The following MRC1 variants were observed in gnomAD, a reference collection of about 807,000 sequenced individuals.
MRC1 encodes macrophage mannose receptor 1.
Under a neutral mutation model 102.9 loss-of-function variants are expected in MRC1, and 62 were observed. The ratio of observed to expected loss-of-function variants is 0.60; its 90% confidence interval spans 0.49 to 0.74. The LOEUF (loss-of-function observed/expected upper bound fraction) is 0.74. Among genes scored for constraint, MRC1 ranks in the 30% least tolerant of loss-of-function variants. The pLI, the probability that MRC1 is intolerant of heterozygous loss-of-function variation, is 0.00. For synonymous variants in MRC1, 457 were observed against 298.4 expected (o/e 1.53, Z -5.48); for missense variants, 1,237 against 862.8 (o/e 1.43, Z -5.43).
At position 17,894,129 on chromosome 10, in the gene MRC1, A is replaced by AT. The variant is rs1347883655; in HGVS notation, c.3148-74dup. On this transcript the variant is annotated intron_variant, in intron 22 of 29. Coordinates refer to ENST00000569591, the MANE Select transcript of MRC1 (RefSeq NM_002438.4). Reference sequence around the variant, plus strand: ...ATTTGGAAATCAGGGATAATGAAAGATTTTTTTGCTTATTAATGAATTGAT... The same window carrying AT: ...ATTTGGAAATCAGGGATAATGAAAGATTTTTTTTGCTTATTAATGAATTGAT... 1.1e-4 allele frequency: 94 copies of AT among 843,522 alleles called. No individual in the cohort carries two copies. In the East Asian group the frequency reaches 2.1e-3, roughly 19 times the overall value. 52.3% of individuals were successfully genotyped at this position (843,522 alleles called of 1,614,324 possible). A position where few individuals can be genotyped will look rare whatever the true frequency, so the allele number is the denominator to read the frequency against.
intron 3 of MRC1, among the ~76,000 whole-genome samples, chr10:17,828,567 A>ATTTTTC (rs1838520029): frequency 6.6e-6 from 1 of 151,522 alleles, no homozygotes; most frequent in Non-Finnish European, 1.5e-5. Context: ...TGATGGAGAA[A>ATTTTTC]GACGTGAAGG....
In MRC1 at chr10:17,815,046, G is replaced by A. The variant is rs948174547; in HGVS notation, c.61+5520G>A. Among the ~76,000 whole-genome samples, 22 of 152,082 alleles carry A rather than the reference G, an allele frequency of 1.4e-4. No individual in the cohort carries two copies. In the South Asian group the frequency reaches 4.4e-3, roughly 30 times the overall value. On this transcript the variant is annotated intron_variant, in intron 1 of 29. Transcript: ENST00000569591. ...CTGAAACATCTCACACTGTCTGTAC[G>A]ACTGATTTTGCCAAGTTAACAATAA...
At chr10:17,841,384 G>A (rs1354359222) in intron 5 of MRC1, among the ~76,000 whole-genome samples, 13 of 152,048 alleles carry the variant, frequency 8.5e-5, no homozygotes, top group Admixed American at 2.6e-4. Context: ...TAATAACATC[G>A]GCTTAAAAAT....
intron 4 of MRC1, among the ~76,000 whole-genome samples, chr10:17,838,668 A>G (rs2130622013): frequency 6.6e-6 from 1 of 152,334 alleles, no homozygotes; most frequent in Non-Finnish European, 1.5e-5. Flanking sequence ...ATATATGCAG[A>G]AAAGTTACGC....
chr10:17,893,432 C>G (rs1385621560), intron 22 of MRC1, among the ~76,000 whole-genome samples: 1 of 152,170 alleles, frequency 6.6e-6, no homozygotes, highest in East Asian at 1.9e-4. Context: ...GCTGGGATTA[C>G]AGGTGTGAGC....
At chr10:17,859,467 G>C (rs1226527885) in intron 9 of MRC1, among the ~76,000 whole-genome samples, 1 of 152,082 alleles carries the variant, frequency 6.6e-6, no homozygotes, top group South Asian at 2.1e-4. Flanking sequence ...ACAGGTGCCT[G>C]CCGTCACGCC....
intron 4 of MRC1, among the ~76,000 whole-genome samples, chr10:17,836,586 T>C (rs1554839487): frequency 0.54 from 82,592 of 151,798 alleles, 23,221 homozygotes; most frequent in African/African-American, 0.67. Flanking sequence ...TGTATTCCCA[T>C]CACTTTGGGA....
intron 3 of MRC1, among the ~76,000 whole-genome samples, chr10:17,828,850 A>G (rs1838524315): frequency 1.3e-5 from 2 of 151,544 alleles, no homozygotes; most frequent in Non-Finnish European, 2.9e-5. Context: ...AAAAATCTGT[A>G]GGCAAATAGT....
At position 17,898,265 on chromosome 10, in the gene MRC1, T is replaced by G. The variant is rs1833782520; in HGVS notation, c.3482T>G (p.Leu1161Trp). The change falls in exon 24 of 30, where the codon TTG becomes TGG. Residue 1161 changes from leucine (L) to tryptophan (W), a missense_variant and splice_region_variant. Leu to Trp is a moderately conservative substitution (Grantham distance 61). Transcript: ENST00000569591. ...ERVWIALNSNLTDNQYTWTDK... is the reference protein window; with the variant it reads ...ERVWIALNSNWTDNQYTWTDK... ...GTGTGGATCGCCCTGAACAGTAACTTGGTAAGATGCTGGAAATATGTGCAA... is the reference window on the plus strand; with the variant it reads ...GTGTGGATCGCCCTGAACAGTAACTGGGTAAGATGCTGGAAATATGTGCAA... The G allele has an allele frequency of 3.8e-6, 3 of 780,080 alleles. No individual in the cohort carries two copies. The highest frequency in any genetic ancestry group is 4.8e-6 in the Non-Finnish European group (2 of 417,690). The allele number at this position is 780,080 out of a possible 1,614,324, so 48.3% of individuals were successfully genotyped here.
rs1589189453 is a variant in MRC1, at chr10:17,878,927, A to G, written c.2619-794A>G. On this transcript the variant is annotated intron_variant, in intron 18 of 29. Transcript: ENST00000569591. ...TGAAAAGGTCAAATTTCATGATCTC[A>G]TGGCTGGTCCCCTTCTGGCTCTCAC... is the stretch of plus-strand genomic sequence containing the variant. 2.6e-5 allele frequency among the ~76,000 whole-genome samples: 4 copies of G among 152,154 alleles called. No homozygotes were observed. In the South Asian group the frequency reaches 8.3e-4, roughly 32 times the overall value.
chr10:17,887,809 A>G (rs202021706), intron 22 of MRC1, among the ~76,000 whole-genome samples: 3,604 of 152,116 alleles, frequency 0.024, 164 homozygotes, highest in East Asian at 0.22. Flanking sequence ...TTTTTATTTT[A>G]TTTTATTTTT....
At chr10:17,892,285 C>T (rs1204573126) in intron 22 of MRC1, among the ~76,000 whole-genome samples, 1 of 152,210 alleles carries the variant, frequency 6.6e-6, no homozygotes, top group Non-Finnish European at 1.5e-5. Flanking sequence ...AGGACTGCCT[C>T]CCCATGCACT....
chr10:17,868,066 A>G (rs1306587468), intron 12 of MRC1, among the ~76,000 whole-genome samples: 1 of 152,230 alleles, frequency 6.6e-6, no homozygotes, highest in South Asian at 2.1e-4. Context: ...AGACAAAAAA[A>G]GAAACCCAGA....
intron 22 of MRC1, among the ~76,000 whole-genome samples, chr10:17,893,482 G>C (rs1833710101): frequency 1.3e-5 from 2 of 152,118 alleles, no homozygotes; most frequent in Non-Finnish European, 2.9e-5. Flanking sequence ...TGAGCAAAAT[G>C]CCATATTTCA....
In MRC1 at chr10:17,809,875, A is replaced by C. The variant is rs911487255; in HGVS notation, c.61+349A>C. Among the ~76,000 whole-genome samples, 7 of 152,164 alleles carry C rather than the reference A, an allele frequency of 4.6e-5. 2 individuals carry two copies. Reference sequence around the variant, plus strand: ...TGTGGTTTACTCTTTCTGGTTTTCAATTCACACTATTTCTGTCTCACCGCC... The same window carrying C: ...TGTGGTTTACTCTTTCTGGTTTTCACTTCACACTATTTCTGTCTCACCGCC... On this transcript the variant is annotated intron_variant, in intron 1 of 29. Coordinates refer to ENST00000569591, the MANE Select transcript of MRC1 (RefSeq NM_002438.4).
At chr10:17,825,164 A>C (rs1303744682) in intron 2 of MRC1, among the ~76,000 whole-genome samples, 3 of 152,268 alleles carry the variant, frequency 2.0e-5, no homozygotes, top group African/African-American at 7.2e-5. Flanking sequence ...ACACATTAGA[A>C]CTGAAGACAG....
At chr10:17,823,014 T>C (rs1339592363) in intron 1 of MRC1, 60 bp from the exon 2 acceptor site, 1 of 773,284 alleles carries the variant, frequency 1.3e-6, no homozygotes, top group Non-Finnish European at 2.4e-6. Context: ...CCTTGTTACA[T>C]GAATCCACTT....
At chr10:17,839,247 C>G (rs1289848783) in intron 4 of MRC1, among the ~76,000 whole-genome samples, 3 of 152,118 alleles carry the variant, frequency 2.0e-5, no homozygotes, top group Non-Finnish European at 2.9e-5. Context: ...CTCATGATGC[C>G]AAACATAGTA....
At chr10:17,907,460 C>T in intron 27 of MRC1, 74 bp from the exon 28 acceptor site, 1 of 776,910 alleles carries the variant, frequency 1.3e-6, no homozygotes, top group South Asian at 1.4e-5. Context: ...AGAAATTTCA[C>T]ATAAATTGGC....
Sources: allele counts gnomAD v4.1 joint callset (sites outside exome capture counted in the v4.1 genomes callset), GRCh38; gene constraint gnomAD v4.1.1; transcripts MANE v1.5; gene names NCBI Gene and HGNC (gene_info 2026-07-23, HGNC 2026-07-21).